The following PCNX1 variants were observed in gnomAD, a reference collection of about 807,000 sequenced individuals.
PCNX1 encodes pecanex 1, also known as pecanex-like protein 1.
A neutral mutation model predicts 242.2 loss-of-function variants in PCNX1; 78 were observed. That is an observed-to-expected ratio of 0.32 (90% CI 0.27 to 0.39). The LOEUF is 0.39. Among genes scored for constraint, PCNX1 ranks in the 10% least tolerant of loss-of-function variants. The pLI, the probability that PCNX1 is intolerant of heterozygous loss-of-function variation, is 1.00. For synonymous variants in PCNX1, 1,024 were observed against 1,032.9 expected (o/e 0.99, Z 0.17); for missense variants, 2,581 against 2,856.5 (o/e 0.90, Z 2.20).
rs906969490 is a variant in PCNX1 at position 70,989,284 on chromosome 14, TTATA to T, written c.2444+591_2444+594del. On this transcript the variant is annotated intron_variant, in intron 7 of 35. Transcript: ENST00000304743. ...TGGTCAATTGGAGAGAGATATATAT[TTATA>T]TATATTTATTAAATTTTTCAAGCTC... is the stretch of plus-strand genomic sequence containing the variant. Among the ~76,000 whole-genome samples the T allele has an allele frequency of 3.5e-3, 537 of 151,528 alleles. 1 individual carries two copies. The highest frequency in any genetic ancestry group is 0.013 in the African/African-American group (521 of 41,414).
At chr14:71,063,870 T>A (rs2061382931) in intron 26 of PCNX1, among the ~76,000 whole-genome samples, 1 of 152,182 alleles carries the variant, frequency 6.6e-6, no homozygotes, top group Non-Finnish European at 1.5e-5. Flanking sequence ...CTAGATTCTT[T>A]CCATGTAAAC....
At chr14:71,007,468 G>T (rs1439018938) in intron 8 of PCNX1, among the ~76,000 whole-genome samples, 4 of 151,986 alleles carry the variant, frequency 2.6e-5, no homozygotes, top group Non-Finnish European at 5.9e-5. Context: ...AAGTTCTATT[G>T]AATACAGAAT....
At chr14:71,109,659 A>C in intron 35 of PCNX1, 67 bp downstream of exon 35, 1 of 1,593,198 alleles carries the variant, frequency 6.3e-7, no homozygotes, top group Non-Finnish European at 8.6e-7. Context: ...ACTTGGATGC[A>C]TGGTTTTAGC....
At chr14:70,988,921 T>G (rs2059076962) in intron 7 of PCNX1, among the ~76,000 whole-genome samples, 1 of 152,106 alleles carries the variant, frequency 6.6e-6, no homozygotes, top group Admixed American at 6.6e-5. Flanking sequence ...ATCAGATTGG[T>G]TTAGTCAATT....
chr14:70,974,479 C>G (rs773979949), intron 5 of PCNX1, among the ~76,000 whole-genome samples: 1 of 152,118 alleles, frequency 6.6e-6, no homozygotes, highest in Non-Finnish European at 1.5e-5. Flanking sequence ...ATTACATAAT[C>G]TTTGAAAATG....
At chr14:71,031,818 G>A in intron 16 of PCNX1, 1 of 1,487,540 alleles carries the variant, frequency 6.7e-7, no homozygotes. Flanking sequence ...TGGCAGCGAG[G>A]AGAGGGATGG....
intron 10 of PCNX1, chr14:71,011,801 A>C (rs542840708): frequency 5.0e-6 from 2 of 399,148 alleles, no homozygotes; most frequent in African/African-American, 4.2e-5. Flanking sequence ...GTATTTGTCA[A>C]TGCTTAGAGA....
Position 71,111,951 on chromosome 14 carries a change from A to G in PCNX1, c.*2016A>G, listed in dbSNP as rs1405277056. The G allele has an allele frequency of 6.6e-6, 1 of 152,546 alleles. No homozygotes were observed. Among genetic ancestry groups the G allele is most frequent in the Non-Finnish European group, 1.5e-5 (1 of 67,964 alleles). 9.4% of individuals were successfully genotyped at this position (152,546 alleles called of 1,614,324 possible). A position where few individuals can be genotyped will look rare whatever the true frequency, so the allele number is the denominator to read the frequency against. ...TTTGGCAGATCTACAGTATGCCATTAAAGTTTAGTGTTGTTTTTGGTTTTG... is the reference window on the plus strand; with the variant it reads ...TTTGGCAGATCTACAGTATGCCATTGAAGTTTAGTGTTGTTTTTGGTTTTG... On this transcript the variant is annotated 3_prime_UTR_variant, in exon 36 of 36. Transcript: ENST00000304743.
intron 26 of PCNX1, among the ~76,000 whole-genome samples, chr14:71,071,342 A>G (rs577616492): frequency 1.1e-4 from 16 of 152,078 alleles, no homozygotes; most frequent in Admixed American, 3.3e-4. Context: ...CAACTTGGCT[A>G]TTTGGTGCAT....
chr14:70,975,800 T>G (rs2058671368), intron 5 of PCNX1, among the ~76,000 whole-genome samples: 2 of 151,804 alleles, frequency 1.3e-5, no homozygotes, highest in Non-Finnish European at 2.9e-5. Flanking sequence ...TATATTTACA[T>G]TTGTATATCT....
intron 8 of PCNX1, among the ~76,000 whole-genome samples, chr14:71,005,887 C>T (rs1331653230): frequency 6.7e-6 from 1 of 149,158 alleles, no homozygotes; most frequent in African/African-American, 2.5e-5. Context: ...ATTGAGTATT[C>T]AATAAGACTG....
intron 30 of PCNX1, among the ~76,000 whole-genome samples, chr14:71,098,553 T>TGTGTGTGA (rs60367565): frequency 7.5e-4 from 94 of 125,726 alleles, no homozygotes; most frequent in South Asian, 2.6e-3. Context: ...TGTGTGTGTG[T>TGTGTGTGA]GAGAGAGAGA....
intron 28 of PCNX1, among the ~76,000 whole-genome samples, chr14:71,086,645 T>G (rs534650924): frequency 6.6e-6 from 1 of 152,356 alleles, no homozygotes; most frequent in African/African-American, 2.4e-5. Flanking sequence ...GATTCTTTTC[T>G]CAGCCTAGGG....
intron 1 of PCNX1, among the ~76,000 whole-genome samples, chr14:70,926,081 C>T (rs113998276): frequency 8.4e-4 from 128 of 152,294 alleles, no homozygotes; most frequent in African/African-American, 2.9e-3. Flanking sequence ...GGCTCTCCTT[C>T]TTGACCAACA....
At chr14:70,949,640 T>C (rs1381128750) in intron 2 of PCNX1, among the ~76,000 whole-genome samples, 1 of 152,216 alleles carries the variant, frequency 6.6e-6, no homozygotes, top group East Asian at 1.9e-4. Context: ...AGGATTCAAC[T>C]GTGATTCGAT....
At chr14:70,988,540 G>A (rs2059064092) in intron 6 of PCNX1, 27 bp from the exon 7 acceptor site, 3 of 1,608,304 alleles carry the variant, frequency 1.9e-6, no homozygotes, top group Non-Finnish European at 2.6e-6. Context: ...CTAGGCTCTT[G>A]TTTGACCTAA....
At chr14:71,089,023 C>T (rs1166914138) in intron 29 of PCNX1, among the ~76,000 whole-genome samples, 169 bp from the exon 30 acceptor site, 4 of 152,094 alleles carry the variant, frequency 2.6e-5, no homozygotes, top group African/African-American at 4.8e-5. Flanking sequence ...GGTCCCAGGT[C>T]GGACAGGCCC....
At chr14:70,941,404 C>T (rs984292130) in intron 1 of PCNX1, among the ~76,000 whole-genome samples, 1 of 152,138 alleles carries the variant, frequency 6.6e-6, no homozygotes, top group African/African-American at 2.4e-5. Context: ...CACTCCAGAC[C>T]CTGTTTGCCT....
intron 30 of PCNX1, among the ~76,000 whole-genome samples, chr14:71,096,400 G>A (rs1356100314): frequency 6.6e-6 from 1 of 152,134 alleles, no homozygotes; most frequent in Non-Finnish European, 1.5e-5. Flanking sequence ...GAGCAAAGGA[G>A]GTCAAGGTTG....
Sources: allele counts gnomAD v4.1 joint callset (sites outside exome capture counted in the v4.1 genomes callset), GRCh38; gene constraint gnomAD v4.1.1; transcripts MANE v1.5; gene names NCBI Gene and HGNC (gene_info 2026-07-23, HGNC 2026-07-21).